Variants in VDR observed in about 807,000 individuals in gnomAD.
The protein encoded by VDR is vitamin D receptor, also known as vitamin D3 receptor.
In VDR, 19 loss-of-function variants were observed where a neutral mutation model predicts 39.7. The ratio of observed to expected loss-of-function variants is 0.48; its 90% CI spans 0.33 to 0.70. The LOEUF (loss-of-function observed/expected upper bound fraction) is 0.70. VDR is among the 30% of genes least tolerant of loss of function. The probability of loss-of-function intolerance (pLI) is 0.02; values close to 1 mark genes in which losing one functional copy is unlikely to be tolerated. For synonymous variants in VDR, 242 were observed against 215.8 expected, an observed-to-expected ratio of 1.12 and a Z score of -1.07; for missense variants, 442 against 570.5, an observed-to-expected ratio of 0.77 and a Z score of 2.29.
Position 47,886,415 on chromosome 12 carries a change from T to G in VDR, c.-83-3641A>C, listed in dbSNP as rs186208190. On this transcript the variant is annotated intron_variant, in intron 1 of 9. Coordinates refer to ENST00000549336, the MANE Select transcript of VDR (RefSeq NM_000376.3). ...CATGGCCAGCTAAGGTGATACCCTC[T>G]CTTTCTTCTCCACCATCCCCACCAT... 8.7e-4 allele frequency among the ~76,000 whole-genome samples: 133 copies of G among 152,330 alleles called. 2 individuals carry two copies. In the East Asian group the frequency reaches 0.023, roughly 26 times the overall value.
chr12:47,885,851 C>T (rs1946243576), intron 1 of VDR, among the ~76,000 whole-genome samples: 1 of 152,134 alleles, frequency 6.6e-6, no homozygotes, highest in South Asian at 2.1e-4. Context: ...GTGAGCCACG[C>T]CAGGAAAGAA....
At chr12:47,898,081 G>C (rs1186876355) in intron 1 of VDR, among the ~76,000 whole-genome samples, 7 of 152,154 alleles carry the variant, frequency 4.6e-5, no homozygotes, top group Non-Finnish European at 1.0e-4. Context: ...CAAGTGTTTG[G>C]GAGGATGTAG....
chr12:47,867,981 C>A (rs1451387863), intron 3 of VDR, among the ~76,000 whole-genome samples: 2 of 152,180 alleles, frequency 1.3e-5, no homozygotes, highest in East Asian at 3.9e-4. Context: ...CAGTCCCAGG[C>A]AGGCCCAGAC....
At chr12:47,904,624 A>G in intron 1 of VDR, 1 of 1,535,578 alleles carries the variant, frequency 6.5e-7, no homozygotes, top group East Asian at 2.4e-5. Flanking sequence ...TTATTCCTCC[A>G]CTCCATGCCA....
At chr12:47,874,313 C>T (rs1045145915) in intron 3 of VDR, among the ~76,000 whole-genome samples, 1 of 152,196 alleles carries the variant, frequency 6.6e-6, no homozygotes, top group African/African-American at 2.4e-5. Flanking sequence ...CCATAGAATA[C>T]CCTGTGTGGC....
intron 1 of VDR, among the ~76,000 whole-genome samples, chr12:47,896,107 C>T (rs1391256872): frequency 6.6e-6 from 1 of 152,240 alleles, no homozygotes; most frequent in African/African-American, 2.4e-5. Flanking sequence ...TGCTTCCTCA[C>T]CTGTGAAATG....
intron 1 of VDR, among the ~76,000 whole-genome samples, chr12:47,904,007 C>G (rs924458387): frequency 6.6e-6 from 1 of 151,992 alleles, no homozygotes; most frequent in African/African-American, 2.4e-5. Context: ...AATGCCTGCC[C>G]AACTGCTTGC....
At chr12:47,857,307 C>CAA (rs1945511449) in intron 5 of VDR, 58 bp from the exon 6 acceptor site, 1 of 1,613,126 alleles carries the variant, frequency 6.2e-7, no homozygotes, top group African/African-American at 1.3e-5. Flanking sequence ...CCTACCTTGG[C>CAA]CCTGATCTCT....
intron 6 of VDR, among the ~76,000 whole-genome samples, chr12:47,856,447 T>C (rs1048119989): frequency 6.6e-6 from 1 of 152,066 alleles, no homozygotes; most frequent in Non-Finnish European, 1.5e-5. Context: ...AATCCAGATA[T>C]CCAATGGTAG....
intron 1 of VDR, among the ~76,000 whole-genome samples, chr12:47,890,294 G>A (rs955666249): frequency 2.0e-5 from 3 of 149,886 alleles, no homozygotes; most frequent in Non-Finnish European, 3.0e-5. Flanking sequence ...CAACTGCCAC[G>A]AGAAACCCCA....
chr12:47,871,180 C>T (rs970774685), intron 3 of VDR, among the ~76,000 whole-genome samples: 8 of 152,106 alleles, frequency 5.3e-5, no homozygotes, highest in African/African-American at 1.7e-4. Context: ...GTGGGTAGAT[C>T]GGTCCATGGG....
intron 7 of VDR, among the ~76,000 whole-genome samples, chr12:47,847,726 C>T (rs1229709282): frequency 1.3e-5 from 2 of 152,028 alleles, no homozygotes; most frequent in Admixed American, 1.3e-4. Flanking sequence ...GCATGCGCCA[C>T]CATGCTCAGC....
intron 1 of VDR, among the ~76,000 whole-genome samples, chr12:47,886,614 G>A (rs545302888): frequency 6.6e-6 from 1 of 152,314 alleles, no homozygotes; most frequent in East Asian, 1.9e-4. Context: ...TTTTAAATAT[G>A]TGTAAGAACG....
intron 5 of VDR, 109 bp from the exon 6 acceptor site, chr12:47,857,358 C>T (rs950888365): frequency 1.9e-6 from 3 of 1,604,940 alleles, no homozygotes; most frequent in Non-Finnish European, 2.6e-6. Flanking sequence ...GAAGGCGAAG[C>T]CTCCCAGTGC....
rs1420366241 is a variant in VDR at position 47,842,858 on chromosome 12, G to A, written c.*1888C>T. The A allele has an allele frequency of 6.6e-6, 1 of 152,096 alleles. No individual in the cohort carries two copies. Among genetic ancestry groups the A allele is most frequent in the Non-Finnish European group, 1.5e-5 (1 of 68,048 alleles). The allele number at this position is 152,096 out of a possible 1,614,324, so 9.4% of individuals were successfully genotyped here. ...TTTTCCTGAATGAGGGGATTGACTC[G>A]TTTAGCAACTTACAAGTGTTTTCTC... On this transcript the variant is annotated 3_prime_UTR_variant, in exon 10 of 10. Transcript: ENST00000549336.
rs1325812226 is a variant in VDR, at chr12:47,842,116, G to C, written c.*2630C>G. ...CGAAGAAGGCAGGGCCAGAGGGAGA[G>C]CTGGGAAGGTGGTGACATTACAAAG... On this transcript the variant is annotated 3_prime_UTR_variant, in exon 10 of 10. Coordinates refer to ENST00000549336, the MANE Select transcript of VDR (RefSeq NM_000376.3). 1 of 152,616 alleles carries C rather than the reference G, an allele frequency of 6.6e-6. No homozygotes were observed. The highest frequency in any genetic ancestry group is 1.9e-4 in the East Asian group (1 of 5,342). The allele number at this position is 152,616 out of a possible 1,614,324, so 9.5% of individuals were successfully genotyped here.
intron 3 of VDR, among the ~76,000 whole-genome samples, chr12:47,877,083 G>C (rs765925136): frequency 3.9e-5 from 6 of 152,170 alleles, no homozygotes; most frequent in Admixed American, 1.3e-4. Flanking sequence ...TCTGGTGACG[G>C]AATGAGTGAA....
chr12:47,870,794 G>A (rs758152963), intron 3 of VDR, among the ~76,000 whole-genome samples: 10 of 152,212 alleles, frequency 6.6e-5, no homozygotes, highest in Non-Finnish European at 8.8e-5. Context: ...AGGAACTAGC[G>A]AGAGCTCCTG....
intron 3 of VDR, 48 bp downstream of exon 3, chr12:47,878,920 T>A: frequency 1.9e-6 from 3 of 1,613,876 alleles, no homozygotes; most frequent in Non-Finnish European, 2.5e-6. Context: ...AACACCTTGC[T>A]TCTTCTCCCT....
Sources: allele counts gnomAD v4.1 joint callset (sites outside exome capture counted in the v4.1 genomes callset), GRCh38; gene constraint gnomAD v4.1.1; transcripts MANE v1.5; gene names NCBI Gene and HGNC (gene_info 2026-07-23, HGNC 2026-07-21).